Variants in RGL1 observed in about 807,000 individuals in gnomAD.
RGL1 encodes ral guanine nucleotide dissociation stimulator-like 1.
Under a neutral mutation model 95.2 loss-of-function variants are expected in RGL1, and 24 were observed. That is an observed-to-expected ratio of 0.25 (90% CI 0.18 to 0.35). The LOEUF is 0.35. Ranked by LOEUF, RGL1 falls within the 10% of genes least tolerant of loss-of-function variation. RGL1 has a pLI of 1.00. For missense variants in RGL1, 715 were observed against 936.3 expected, an observed-to-expected ratio of 0.76 and a Z score of 3.08; for synonymous variants, 329 against 344.9, an observed-to-expected ratio of 0.95 and a Z score of 0.51.
chr1:183,888,511 C>G lies in RGL1; in HGVS notation c.989C>G (p.Ala330Gly), dbSNP rs1173873168. 9 of 1,613,094 alleles carry G rather than the reference C, an allele frequency of 5.6e-6. No homozygotes were observed. Among genetic ancestry groups the G allele is most frequent in the Admixed American group, 1.7e-5 (1 of 59,984 alleles). ...CTGAAGAATTTTTCCTCCTTGAGGG[C>G]CATCGTTTCGGCACTGCAGTCTAAT... Reference protein sequence around the residue: ...RLLKNFSSLRAIVSALQSNSI... With the variant: ...RLLKNFSSLRGIVSALQSNSI... The change falls in exon 8 of 18, where the codon GCC becomes GGC. Residue 330 changes from alanine (A) to glycine (G), a missense_variant. Transcript: ENST00000360851.
intron 16 of RGL1, 85 bp downstream of exon 16, chr1:183,916,786 A>AAT: frequency 6.9e-7 from 1 of 1,445,712 alleles, no homozygotes; most frequent in Non-Finnish European, 9.4e-7. Context: ...AATAGCCCTA[A>AAT]ATATGCACAC....
chr1:183,905,750 G>C (rs1668281990), intron 13 of RGL1, among the ~76,000 whole-genome samples: 1 of 152,186 alleles, frequency 6.6e-6, no homozygotes, highest in Non-Finnish European at 1.5e-5. Context: ...CTTGTTGGCA[G>C]ATTGGTCTGC....
chr1:183,805,335 C>G lies in RGL1; in HGVS notation c.27+11C>G. 6.2e-7 allele frequency: 1 copy of G among 1,608,792 alleles called. No individual in the cohort carries two copies. The highest frequency in any genetic ancestry group is 8.5e-7 in the Non-Finnish European group (1 of 1,177,034). On this transcript the variant is annotated intron_variant, in intron 1 of 17. Transcript: ENST00000360851. ...TGGCAAGCTAAAATGGTAACGAGAG[C>G]TCTCTGCCTTCTCCCGAGGCTTCTC...
intron 2 of RGL1, among the ~76,000 whole-genome samples, chr1:183,781,981 T>A (rs1659925673): frequency 6.6e-6 from 1 of 152,254 alleles, no homozygotes; most frequent in Admixed American, 6.5e-5. Context: ...TCTGATTTTA[T>A]TCCTAAAGTG....
chr1:183,747,108 A>G (rs138744510), intron 2 of RGL1, among the ~76,000 whole-genome samples: 8,284 of 152,256 alleles, frequency 0.054, 244 homozygotes, highest in East Asian at 0.08. Context: ...TAGTGCTGCA[A>G]TAAACATACA....
intron 15 of RGL1, among the ~76,000 whole-genome samples, 186 bp downstream of exon 15, chr1:183,912,454 A>G (rs1668704308): frequency 6.6e-6 from 1 of 152,232 alleles, no homozygotes; most frequent in South Asian, 2.1e-4. Context: ...GTGTAAAAGC[A>G]CTAAGCAGTT....
At chr1:183,819,270 C>CCCATAATGA (rs1459116056) in intron 2 of RGL1, among the ~76,000 whole-genome samples, 1 of 152,124 alleles carries the variant, frequency 6.6e-6, no homozygotes, top group Non-Finnish European at 1.5e-5. Flanking sequence ...GAAGGTTATG[C>CCCATAATGA]CCATAATGAT....
intron 1 of RGL1, among the ~76,000 whole-genome samples, chr1:183,693,145 G>A (rs926178143): frequency 2.0e-5 from 3 of 151,962 alleles, no homozygotes; most frequent in African/African-American, 4.8e-5. Flanking sequence ...TAGTAGAGAC[G>A]GGATTTCACT....
chr1:183,888,428 T>TAGTTAC (rs761645328), intron 7 of RGL1, 46 bp from the exon 8 acceptor site: 3 of 1,095,940 alleles, frequency 2.7e-6, no homozygotes, highest in Non-Finnish European at 4.2e-6. Context: ...GTCATTGTAA[T>TAGTTAC]ATTGATAGTT....
At chr1:183,783,039 G>C (rs1659983726) in intron 2 of RGL1, among the ~76,000 whole-genome samples, 1 of 152,106 alleles carries the variant, frequency 6.6e-6, no homozygotes, top group Non-Finnish European at 1.5e-5. Flanking sequence ...AAGATAACCG[G>C]GGGAGGGTAG....
chr1:183,883,840 G>C lies in RGL1; in HGVS notation c.665G>C (p.Gly222Ala). The C allele has an allele frequency of 6.2e-7, 1 of 1,614,138 alleles. No individual in the cohort carries two copies. Among genetic ancestry groups the C allele is most frequent in the Non-Finnish European group, 8.5e-7 (1 of 1,179,930 alleles). Residue 222 changes from glycine to alanine, a missense_variant, in exon 6 of 18, where the codon GGT becomes GCT. Physicochemically the swap from Gly to Ala is moderately conservative, Grantham distance 60. This residue lies in a region of RGL1 where 381 missense variants were observed against 484.8 expected (regional missense o/e 0.79). Coordinates refer to ENST00000360851, the MANE Select transcript of RGL1 (RefSeq NM_001297671.3). ...FSLEEEEELE[G>A]GESAEFTCFS... The stretch of plus-strand genomic sequence containing the variant: ...CTGGAAGAGGAAGAGGAACTGGAGG[G>C]TGGAGAGTCAGCAGAATTCACGTGC...
At chr1:183,650,469 G>A (rs1323636590) in intron 1 of RGL1, among the ~76,000 whole-genome samples, 1 of 152,102 alleles carries the variant, frequency 6.6e-6, no homozygotes, top group Non-Finnish European at 1.5e-5. Flanking sequence ...CGTGAACCCA[G>A]GAGGCAGAGC....
At chr1:183,738,058 G>C (rs1158091107) in intron 1 of RGL1, among the ~76,000 whole-genome samples, 1 of 152,200 alleles carries the variant, frequency 6.6e-6, no homozygotes, top group South Asian at 2.1e-4. Flanking sequence ...TGATGATTCT[G>C]TTGAAGGGGC....
intron 1 of RGL1, among the ~76,000 whole-genome samples, chr1:183,651,397 T>G (rs1650740621): frequency 6.6e-6 from 1 of 152,222 alleles, no homozygotes; most frequent in Non-Finnish European, 1.5e-5. Flanking sequence ...TGGCCTCTCA[T>G]ATGGAAGTGC....
intron 2 of RGL1, among the ~76,000 whole-genome samples, chr1:183,757,017 GTTTGTTTT>G (rs374037258): frequency 1.2e-5 from 1 of 80,806 alleles, no homozygotes; most frequent in African/African-American, 5.5e-5. Flanking sequence ...TGGGTGGTTT[GTTTGTTTT>G]TTTTTTTTTG....
intron 2 of RGL1, among the ~76,000 whole-genome samples, chr1:183,746,513 T>C (rs551901225): frequency 1.3e-5 from 2 of 152,228 alleles, no homozygotes; most frequent in East Asian, 3.9e-4. Context: ...AATATGCCAT[T>C]GTGTGGTTAT....
chr1:183,672,706 A>G (rs1652554987), intron 1 of RGL1, among the ~76,000 whole-genome samples: 1 of 152,226 alleles, frequency 6.6e-6, no homozygotes, highest in African/African-American at 2.4e-5. Flanking sequence ...ATAGACTATA[A>G]CAAACAATTC....
chr1:183,811,208 A>T (rs1661689547), intron 2 of RGL1, among the ~76,000 whole-genome samples: 1 of 152,232 alleles, frequency 6.6e-6, no homozygotes, highest in African/African-American at 2.4e-5. Context: ...GCACAAAGGT[A>T]TCAATTATTC....
Position 183,926,445 on chromosome 1 carries a change from G to A in RGL1, c.*153G>A. ...TGTGGTGTGCAAAGCATTATGATAG[G>A]CACCGTGGGGAAACTGGAAATGAAT... On this transcript the variant is annotated 3_prime_UTR_variant, in exon 18 of 18. Coordinates refer to ENST00000360851, the MANE Select transcript of RGL1 (RefSeq NM_001297671.3). 1.9e-6 allele frequency: 1 copy of A among 514,562 alleles called. No homozygotes were observed. The highest frequency in any genetic ancestry group is 3.4e-5 in the East Asian group (1 of 29,078). 31.9% of individuals were successfully genotyped at this position (514,562 alleles called of 1,614,324 possible). A position where few individuals can be genotyped will look rare whatever the true frequency, so the allele number is the denominator to read the frequency against.
Sources: allele counts gnomAD v4.1 joint callset (sites outside exome capture counted in the v4.1 genomes callset), GRCh38; gene constraint gnomAD v4.1.1; regional missense constraint gnomAD v4.1.1; transcripts MANE v1.5; gene names NCBI Gene and HGNC (gene_info 2026-07-23, HGNC 2026-07-21).